KIAA1958: variants seen among roughly 807,000 people sequenced by gnomAD.
The protein encoded by KIAA1958 is uncharacterized protein KIAA1958.
A neutral mutation model predicts 47.2 loss-of-function variants in KIAA1958; 14 were observed. The observed-to-expected ratio is 0.30, with a 90% confidence interval of 0.20 to 0.46. The LOEUF (loss-of-function observed/expected upper bound fraction) is 0.46, where lower values mean the gene tolerates loss of function less well. Ranked by LOEUF, KIAA1958 falls within the 20% of genes least tolerant of loss-of-function variation. KIAA1958 has a pLI of 1.00. For synonymous variants in KIAA1958, 354 were observed against 353.3 expected, an observed-to-expected ratio of 1.00 and a Z score of -0.02; for missense variants, 803 against 909.2, an observed-to-expected ratio of 0.88 and a Z score of 1.50.
chr9:112,575,072 C>T lies in KIAA1958; in HGVS notation c.992C>T (p.Pro331Leu), dbSNP rs769541125. ...ATCCCCTTGTCTGCCCTGCAGCTGC[C>T]TGGACAGGATGAGCAAGTTGCCTCT... ...ISIPLSALQL[P>L]GQDEQVASEE... is the part of the protein sequence containing the mutation. The change falls in exon 2 of 4, where the codon CCT becomes CTT. Residue 331 changes from proline (P) to leucine (L), a missense_variant. Coordinates refer to ENST00000337530, the MANE Select transcript of KIAA1958 (RefSeq NM_133465.4). 1 of 1,613,432 alleles carries T rather than the reference C, an allele frequency of 6.2e-7. No individual in the cohort carries two copies. The highest frequency in any genetic ancestry group is 8.5e-7 in the Non-Finnish European group (1 of 1,180,026).
chr9:112,660,666 TGCTCCCACG>T lies in KIAA1958; in HGVS notation c.*605_*613del, dbSNP rs1321503970. ...TTGGTCATCTGACAAGGACTTGGGCTGCTCCCACGGCTCCCAGCAGCGGTAGGAACCCCA... is the reference window on the plus strand; with the variant it reads ...TTGGTCATCTGACAAGGACTTGGGCTGCTCCCAGCAGCGGTAGGAACCCCA... On this transcript the variant is annotated 3_prime_UTR_variant, in exon 4 of 4. Transcript: ENST00000337530. The T allele has an allele frequency of 6.5e-6, 1 of 153,220 alleles. No homozygotes were observed. Among genetic ancestry groups the T allele is most frequent in the Non-Finnish European group, 1.5e-5 (1 of 68,818 alleles). The allele number at this position is 153,220 out of a possible 1,614,324, so 9.5% of individuals were successfully genotyped here.
chr9:112,584,786 T>C (rs1835795127), intron 2 of KIAA1958, among the ~76,000 whole-genome samples: 1 of 152,234 alleles, frequency 6.6e-6, no homozygotes, highest in Non-Finnish European at 1.5e-5. Context: ...AGAAGGTAGA[T>C]GGTTTGGTTG....
rs778577145 is a variant in KIAA1958 at position 112,510,235 on chromosome 9, G to T, written c.-25+23117G>T. 2.6e-4 allele frequency among the ~76,000 whole-genome samples: 39 copies of T among 152,186 alleles called. 1 individual carries two copies. Among genetic ancestry groups the T allele is most frequent in the Non-Finnish European group, 2.8e-4 (19 of 68,036 alleles). On this transcript the variant is annotated intron_variant, in intron 1 of 3. Coordinates refer to ENST00000337530, the MANE Select transcript of KIAA1958 (RefSeq NM_133465.4). ...CTCTGATTGTGTGCAAAAAGGCCTG[G>T]ATGGTAATTCCTACTTCCTAGGGTG...
chr9:112,513,456 G>C (rs1162419292), intron 1 of KIAA1958, among the ~76,000 whole-genome samples: 1 of 136,488 alleles, frequency 7.3e-6, no homozygotes, highest in Non-Finnish European at 1.6e-5. Flanking sequence ...GGCTTGAAGG[G>C]TCGAAGGCGC....
At chr9:112,585,668 T>C (rs1835812025) in intron 2 of KIAA1958, among the ~76,000 whole-genome samples, 1 of 152,148 alleles carries the variant, frequency 6.6e-6, no homozygotes, top group Non-Finnish European at 1.5e-5. Context: ...GAGATAACAG[T>C]GAAGGCATTG....
In KIAA1958 at chr9:112,543,567, C is replaced by CTTTTTTTTTT. The variant is rs138422704; in HGVS notation, c.-24-30477_-24-30468dup. 1.5e-3 allele frequency among the ~76,000 whole-genome samples: 165 copies of CTTTTTTTTTT among 108,128 alleles called. 1 individual carries two copies. Among genetic ancestry groups the CTTTTTTTTTT allele is most frequent in the African/African-American group, 5.5e-3 (154 of 28,220 alleles). The allele number at this position is 108,128 out of a possible 152,430, so 70.9% of individuals were successfully genotyped here. The stretch of plus-strand genomic sequence containing the variant: ...ACTTTACCATTGAGCTTCTGAGCTT[C>CTTTTTTTTTT]TTTTTTTTTTTTTTTTTTTTTTGAG... On this transcript the variant is annotated intron_variant, in intron 1 of 3. Coordinates refer to ENST00000337530, the MANE Select transcript of KIAA1958 (RefSeq NM_133465.4).
rs1292625270 is a variant in KIAA1958 at position 112,618,601 on chromosome 9, G to T, written c.1172-27049G>T. 3.9e-6 allele frequency: 6 copies of T among 1,550,562 alleles called. No homozygotes were observed. The highest frequency in any genetic ancestry group is 5.2e-6 in the Non-Finnish European group (6 of 1,147,018). ...GGCGGCCTCCCGCCATGCGCTACGA[G>T]GATGCCCCTTTCTACTTATCCATCA... is the stretch of plus-strand genomic sequence containing the variant. On this transcript the variant is annotated intron_variant, in intron 2 of 3. Transcript: ENST00000337530. This position sits in a 1 kb window ranked among gnomAD's most constrained non-coding sequence, Gnocchi z 7.1.
At chr9:112,516,336 A>G (rs902745240) in intron 1 of KIAA1958, among the ~76,000 whole-genome samples, 23 of 152,190 alleles carry the variant, frequency 1.5e-4, no homozygotes, top group African/African-American at 4.8e-4. Flanking sequence ...TTGAACATTG[A>G]CATTTAAAAA....
intron 1 of KIAA1958, among the ~76,000 whole-genome samples, chr9:112,505,426 G>A (rs1834217504): frequency 6.6e-6 from 1 of 152,154 alleles, no homozygotes; most frequent in Non-Finnish European, 1.5e-5. Flanking sequence ...CGTGTGAGTA[G>A]AGTGCCAGGC....
At chr9:112,511,559 T>C (rs1398927197) in intron 1 of KIAA1958, among the ~76,000 whole-genome samples, 1 of 152,210 alleles carries the variant, frequency 6.6e-6, no homozygotes, top group East Asian at 1.9e-4. Flanking sequence ...TTGTGGGATA[T>C]AGCTAAAGTA....
At chr9:112,573,133 ATGT>A (rs971293477) in intron 1 of KIAA1958, among the ~76,000 whole-genome samples, 1 of 151,952 alleles carries the variant, frequency 6.6e-6, no homozygotes, top group Non-Finnish European at 1.5e-5. Context: ...CCTACCCATC[ATGT>A]TGTCCTCACT....
intron 1 of KIAA1958, among the ~76,000 whole-genome samples, chr9:112,561,560 TAAAAG>T (rs369258365): frequency 6.6e-6 from 1 of 152,150 alleles, no homozygotes; most frequent in Non-Finnish European, 1.5e-5. Flanking sequence ...TGATTTCTCT[TAAAAG>T]AAACTCGGGC....
rs368224697 is a variant in KIAA1958 at position 112,640,109 on chromosome 9, T to A, written c.1172-5541T>A. ...TTGTTTTATGGTGTGCCTGTTAACTTGCTATTGAATGCTGACCACTGTGTA... is the reference window on the plus strand; with the variant it reads ...TTGTTTTATGGTGTGCCTGTTAACTAGCTATTGAATGCTGACCACTGTGTA... On this transcript the variant is annotated intron_variant, in intron 2 of 3. Transcript: ENST00000337530. 4.6e-5 allele frequency among the ~76,000 whole-genome samples: 7 copies of A among 152,374 alleles called. 2 individuals carry two copies. The highest frequency in any genetic ancestry group is 1.7e-4 in the African/African-American group (7 of 41,588).
chr9:112,654,553 C>T (rs1199251188), intron 3 of KIAA1958, among the ~76,000 whole-genome samples: 4 of 152,074 alleles, frequency 2.6e-5, no homozygotes, highest in Non-Finnish European at 4.4e-5. Context: ...TCCTGATGGC[C>T]TTGGAGTCCG....
Position 112,604,854 on chromosome 9 carries a change from G to GA in KIAA1958, c.1171+29608dup, listed in dbSNP as rs1156241849. 1.3e-5 allele frequency among the ~76,000 whole-genome samples: 2 copies of GA among 149,662 alleles called. 1 individual carries two copies. The highest frequency in any genetic ancestry group is 3.0e-5 in the Non-Finnish European group (2 of 67,576). On this transcript the variant is annotated intron_variant, in intron 2 of 3. Coordinates refer to ENST00000337530, the MANE Select transcript of KIAA1958 (RefSeq NM_133465.4). ...CTGGATTCACAGATGACAAAGACGT[G>GA]AAAAATAATTGACTTAACAGGGCGT...
chr9:112,507,700 C>T (rs1834254499), intron 1 of KIAA1958, among the ~76,000 whole-genome samples: 1 of 152,122 alleles, frequency 6.6e-6, no homozygotes, highest in African/African-American at 2.4e-5. Flanking sequence ...TGACATCAAT[C>T]AAACATCTAT....
chr9:112,647,453 A>G (rs915037922), intron 3 of KIAA1958, among the ~76,000 whole-genome samples: 11 of 152,122 alleles, frequency 7.2e-5, no homozygotes, highest in African/African-American at 2.7e-4. Flanking sequence ...GTGCTCGTTA[A>G]AAAAAACAAA....
rs146997886 is a variant in KIAA1958 at position 112,644,121 on chromosome 9, T to C, written c.1172-1529T>C. 9.0e-3 allele frequency among the ~76,000 whole-genome samples: 1,369 copies of C among 151,980 alleles called. 10 individuals carry two copies. The highest frequency in any genetic ancestry group is 0.02 in the Middle Eastern group (6 of 294). ...TGAACCTGGGAGGTGGAGGTTGCAGTGAGCCAAGATTGCACCACTGCACTC... is the reference window on the plus strand; with the variant it reads ...TGAACCTGGGAGGTGGAGGTTGCAGCGAGCCAAGATTGCACCACTGCACTC... On this transcript the variant is annotated intron_variant, in intron 2 of 3. Transcript: ENST00000337530.
chr9:112,603,936 A>T (rs985557563), intron 2 of KIAA1958, among the ~76,000 whole-genome samples: 4 of 152,204 alleles, frequency 2.6e-5, no homozygotes, highest in African/African-American at 9.6e-5. Flanking sequence ...TTCAGACATC[A>T]TTTCTTTTCT....
Sources: allele counts gnomAD v4.1 joint callset (sites outside exome capture counted in the v4.1 genomes callset), GRCh38; gene constraint gnomAD v4.1.1; non-coding constraint Gnocchi (gnomAD v3.1); transcripts MANE v1.5; gene names NCBI Gene and HGNC (gene_info 2026-07-23, HGNC 2026-07-21).